Variants in SMAD3 observed in about 807,000 individuals in gnomAD.
The protein encoded by SMAD3 is SMAD family member 3, also known as MAD homolog 3.
Under a neutral mutation model 51.8 loss-of-function variants are expected in SMAD3, and 12 were observed. The ratio of observed to expected loss-of-function variants is 0.23; its 90% CI spans 0.15 to 0.38. SMAD3 has a LOEUF of 0.38. Ranked by LOEUF, SMAD3 falls within the 10% of genes least tolerant of loss-of-function variation. The pLI, the probability that SMAD3 is intolerant of heterozygous loss-of-function variation, is 1.00. For synonymous variants in SMAD3, 238 were observed against 227.7 expected (o/e 1.05, Z -0.41); for missense variants, 294 against 565.6 (o/e 0.52, Z 4.87).
At chr15:67,097,990 TC>T (rs1960652113) in intron 1 of SMAD3, among the ~76,000 whole-genome samples, 1 of 152,192 alleles carries the variant, frequency 6.6e-6, no homozygotes, top group African/African-American at 2.4e-5. Flanking sequence ...TCACTCTTAG[TC>T]ACATGACCTT....
At chr15:67,137,613 G>T (rs1961698941) in intron 1 of SMAD3, among the ~76,000 whole-genome samples, 1 of 152,180 alleles carries the variant, frequency 6.6e-6, no homozygotes. Context: ...TTTTTTCTAT[G>T]AGGTTTGATT....
At chr15:67,121,060 A>G (rs1257360941) in intron 1 of SMAD3, among the ~76,000 whole-genome samples, 1 of 152,212 alleles carries the variant, frequency 6.6e-6, no homozygotes, top group Non-Finnish European at 1.5e-5. Context: ...GTTTTCAGGC[A>G]GGGCATGATT....
intron 1 of SMAD3, among the ~76,000 whole-genome samples, chr15:67,109,562 T>C (rs980921676): frequency 6.6e-6 from 1 of 152,164 alleles, no homozygotes; most frequent in Non-Finnish European, 1.5e-5. Flanking sequence ...AATGCCTTGT[T>C]TCTCAGTAGC....
intron 1 of SMAD3, among the ~76,000 whole-genome samples, chr15:67,079,270 A>G (rs1960233463): frequency 6.6e-6 from 1 of 151,896 alleles, no homozygotes; most frequent in Non-Finnish European, 1.5e-5. Context: ...AAGCCACCGC[A>G]CCTCGCCCCC....
chr15:67,135,313 C>T (rs1355147890), intron 1 of SMAD3, among the ~76,000 whole-genome samples: 2 of 152,170 alleles, frequency 1.3e-5, no homozygotes, highest in African/African-American at 4.8e-5. Flanking sequence ...CCAGGGGCAG[C>T]CCCCGGGCCC....
At chr15:67,094,277 C>T (rs1169374201) in intron 1 of SMAD3, among the ~76,000 whole-genome samples, 2 of 152,188 alleles carry the variant, frequency 1.3e-5, no homozygotes, top group South Asian at 2.1e-4. Context: ...AGATGGGAGG[C>T]GAAGCTTCTG....
intron 7 of SMAD3, among the ~76,000 whole-genome samples, chr15:67,186,104 C>T (rs893840039): frequency 2.0e-5 from 3 of 152,244 alleles, no homozygotes; most frequent in African/African-American, 7.2e-5. Context: ...AGTAAGGAGA[C>T]GCTTTGAGAG....
At position 67,187,517 on chromosome 15, in the gene SMAD3, A is replaced by AT; in HGVS notation, c.1154+9dup. 1 of 1,614,148 alleles carries AT rather than the reference A, an allele frequency of 6.2e-7. No homozygotes were observed. The highest frequency in any genetic ancestry group is 8.5e-7 in the Non-Finnish European group (1 of 1,180,018). On this transcript the variant is annotated intron_variant, in intron 8 of 8. Coordinates refer to ENST00000327367, the MANE Select transcript of SMAD3 (RefSeq NM_005902.4). ...CTGGGGAGCGGAGTACAGGTCAGTTATGGGTGCTGCCTACATCAGGGGACC... is the reference window on the plus strand; with the variant it reads ...CTGGGGAGCGGAGTACAGGTCAGTTATTGGGTGCTGCCTACATCAGGGGACC...
At chr15:67,138,593 T>C (rs577948430) in intron 1 of SMAD3, 4 of 153,268 alleles carry the variant, frequency 2.6e-5, no homozygotes, top group African/African-American at 9.6e-5. Context: ...GGAATGCTGC[T>C]CTGTGGGTCT....
At chr15:67,082,709 G>A (rs1226785489) in intron 1 of SMAD3, among the ~76,000 whole-genome samples, 1 of 152,228 alleles carries the variant, frequency 6.6e-6, no homozygotes, top group Non-Finnish European at 1.5e-5. Context: ...TGAGTCTTCA[G>A]TCGCAAAGAG....
At chr15:67,185,098 C>T (rs951451231) in intron 7 of SMAD3, among the ~76,000 whole-genome samples, 1 of 152,218 alleles carries the variant, frequency 6.6e-6, no homozygotes, top group East Asian at 1.9e-4. Flanking sequence ...TGGGTACCTG[C>T]CTGTTGCCCT....
At chr15:67,070,349 C>T (rs1960026396) in intron 1 of SMAD3, among the ~76,000 whole-genome samples, 1 of 152,146 alleles carries the variant, frequency 6.6e-6, no homozygotes, top group Admixed American at 6.5e-5. Flanking sequence ...GACTCAGCTG[C>T]AGCTGAACCT....
intron 1 of SMAD3, among the ~76,000 whole-genome samples, chr15:67,132,330 C>G (rs1236273334): frequency 6.6e-6 from 1 of 152,206 alleles, no homozygotes; most frequent in Non-Finnish European, 1.5e-5. Context: ...GACAACCTCA[C>G]TGTTTTGCCC....
At position 67,187,188 on chromosome 15, in the gene SMAD3, C is replaced by T. The variant is rs1437049100; in HGVS notation, c.1010-177C>T. 3.9e-6 allele frequency: 3 copies of T among 768,752 alleles called. No individual in the cohort carries two copies. In the African/African-American group the frequency reaches 5.1e-5, roughly 13 times the overall value. 47.6% of individuals were successfully genotyped at this position (768,752 alleles called of 1,614,324 possible). A position where few individuals can be genotyped will look rare whatever the true frequency, so the allele number is the denominator to read the frequency against. Reference sequence around the variant, plus strand: ...GGTTCAAGGGGAGGGACTGGGTTGGCCTTCCCTTTGCATGGTACTGAGTGT... The same window carrying T: ...GGTTCAAGGGGAGGGACTGGGTTGGTCTTCCCTTTGCATGGTACTGAGTGT... On this transcript the variant is annotated intron_variant, in intron 7 of 8. Transcript: ENST00000327367.
intron 1 of SMAD3, among the ~76,000 whole-genome samples, chr15:67,141,027 G>A (rs932299925): frequency 2.0e-5 from 3 of 152,088 alleles, no homozygotes; most frequent in Non-Finnish European, 4.4e-5. Context: ...TTTTAAAAAC[G>A]CTCTGCAGGC....
intron 1 of SMAD3, among the ~76,000 whole-genome samples, chr15:67,164,304 G>T (rs1962512457): frequency 9.4e-6 from 1 of 106,366 alleles, no homozygotes; most frequent in African/African-American, 3.7e-5. Context: ...AACAGAGCGA[G>T]ACTCCGTCTC....
At chr15:67,164,759 T>C in intron 1 of SMAD3, 136 bp from the exon 2 acceptor site, 2 of 942,234 alleles carry the variant, frequency 2.1e-6, no homozygotes, top group South Asian at 2.6e-5. Context: ...AGTGCTCTGA[T>C]CTCCTGGACC....
At chr15:67,109,668 A>G (rs1156513249) in intron 1 of SMAD3, among the ~76,000 whole-genome samples, 1 of 152,146 alleles carries the variant, frequency 6.6e-6, no homozygotes, top group East Asian at 1.9e-4. Flanking sequence ...CGAGAGGGGG[A>G]AACACACTTA....
chr15:67,130,835 G>C (rs1961507831), intron 1 of SMAD3, among the ~76,000 whole-genome samples: 1 of 152,020 alleles, frequency 6.6e-6, no homozygotes, highest in Non-Finnish European at 1.5e-5. Context: ...GGTTCTGCCT[G>C]AAAGGCAGAC....
Sources: allele counts gnomAD v4.1 joint callset (sites outside exome capture counted in the v4.1 genomes callset), GRCh38; gene constraint gnomAD v4.1.1; transcripts MANE v1.5; gene names NCBI Gene and HGNC (gene_info 2026-07-23, HGNC 2026-07-21).